The following VPS13B variants were observed in gnomAD, a reference collection of about 807,000 sequenced individuals.
VPS13B encodes vacuolar protein sorting 13 homolog B.
In VPS13B, 285 loss-of-function variants were observed where a neutral mutation model predicts 426.4. That is an observed-to-expected ratio of 0.67 (90% CI 0.61 to 0.74). The LOEUF (loss-of-function observed/expected upper bound fraction) is 0.74, where lower values mean the gene tolerates loss of function less well. VPS13B is among the 30% of genes least tolerant of loss of function. VPS13B has a pLI of 0.00. For missense variants in VPS13B, 4,537 were observed against 4,782.6 expected, an observed-to-expected ratio of 0.95 and a Z score of 1.51; for synonymous variants, 1,676 against 1,676.4, an observed-to-expected ratio of 1.00 and a Z score of 0.01.
intron 22 of VPS13B, 128 bp from the exon 23 acceptor site, chr8:99,442,273 A>T: frequency 1.3e-6 from 1 of 777,180 alleles, no homozygotes; most frequent in Non-Finnish European, 2.1e-6. Context: ...TCATTAGTGA[A>T]AATAAGTCAT....
rs1817701636 is a variant in VPS13B, at chr8:99,876,358, AACAGTCT to A, written c.*693_*699del. On this transcript the variant is annotated 3_prime_UTR_variant, in exon 62 of 62. Transcript: ENST00000357162. The stretch of plus-strand genomic sequence containing the variant: ...AAGTCTGCATTTTACTAAAATTTAC[AACAGTCT>A]GATGATTGATTGATTACTGTCCAGG... The A allele has an allele frequency of 7.1e-6, 1 of 141,660 alleles. No individual in the cohort carries two copies. Among genetic ancestry groups the A allele is most frequent in the Non-Finnish European group, 1.5e-5 (1 of 66,116 alleles). 8.8% of individuals were successfully genotyped at this position (141,660 alleles called of 1,614,324 possible).
chr8:99,413,971 C>G (rs1309874982), intron 21 of VPS13B, among the ~76,000 whole-genome samples: 1 of 152,132 alleles, frequency 6.6e-6, no homozygotes, highest in Non-Finnish European at 1.5e-5. Context: ...AGTTCAAGTC[C>G]TGAATATCCT....
chr8:99,297,961 A>AT (rs1287205224), intron 19 of VPS13B, among the ~76,000 whole-genome samples: 5 of 152,056 alleles, frequency 3.3e-5, no homozygotes, highest in African/African-American at 1.2e-4. Flanking sequence ...GATTTTTCTA[A>AT]TTTTTTACCA....
intron 33 of VPS13B, among the ~76,000 whole-genome samples, chr8:99,620,818 A>AG (rs940998309): frequency 3.3e-5 from 5 of 151,530 alleles, no homozygotes; most frequent in African/African-American, 1.2e-4. Flanking sequence ...CTAAAAAAAA[A>AG]AAATATACAA....
At chr8:99,111,075 A>G (rs780328605) in intron 5 of VPS13B, 23 bp from the exon 6 acceptor site, 3 of 1,592,800 alleles carry the variant, frequency 1.9e-6, no homozygotes, top group East Asian at 2.3e-5. Flanking sequence ...CTTTTTACTT[A>G]AAATGTTTTT....
intron 33 of VPS13B, among the ~76,000 whole-genome samples, chr8:99,639,938 C>A (rs1454658780): frequency 6.8e-6 from 1 of 147,572 alleles, no homozygotes; most frequent in East Asian, 2.0e-4. Context: ...GATCACACCA[C>A]TGCACTCCAA....
chr8:99,471,261 A>T (rs1397171305), intron 24 of VPS13B, among the ~76,000 whole-genome samples: 1 of 152,098 alleles, frequency 6.6e-6, no homozygotes, highest in African/African-American at 2.4e-5. Flanking sequence ...TTTTTAAAAA[A>T]CTACTTAAAA....
At chr8:99,037,262 A>T (rs1842786108) in intron 2 of VPS13B, among the ~76,000 whole-genome samples, 1 of 152,054 alleles carries the variant, frequency 6.6e-6, no homozygotes, top group African/African-American at 2.4e-5. Context: ...TTAATAGCTG[A>T]CCTTTAAAAA....
At position 99,038,435 on chromosome 8, in the gene VPS13B, C is replaced by A. The variant is rs1193369148; in HGVS notation, c.160C>A (p.Pro54Thr). The part of the protein sequence containing the change: ...LDVLEQELKL[P>T]FTFLSGHIHE... Reference sequence around the variant, plus strand: ...TTTGTGTTTTAAGGAACTGAAATTACCATTCACTTTTTTAAGTGGACATAT... The same window carrying A: ...TTTGTGTTTTAAGGAACTGAAATTAACATTCACTTTTTTAAGTGGACATAT... Residue 54 changes from proline to threonine, a missense_variant, in exon 3 of 62, where the codon CCA becomes ACA. By Grantham distance (38) the Pro-to-Thr change is conservative (BLOSUM62 -1). Transcript: ENST00000357162. 1 of 1,605,704 alleles carries A rather than the reference C, an allele frequency of 6.2e-7. No homozygotes were observed. Among genetic ancestry groups the A allele is most frequent in the Admixed American group, 1.7e-5 (1 of 59,736 alleles).
chr8:99,017,722 A>G (rs1368859220), intron 2 of VPS13B, among the ~76,000 whole-genome samples: 1 of 152,048 alleles, frequency 6.6e-6, no homozygotes, highest in African/African-American at 2.4e-5. Context: ...CGAACTCCTG[A>G]GCTCAGGTGA....
At chr8:99,544,691 A>AC (rs1823859509) in intron 30 of VPS13B, among the ~76,000 whole-genome samples, 1 of 141,700 alleles carries the variant, frequency 7.1e-6, no homozygotes, top group Non-Finnish European at 1.5e-5. Flanking sequence ...TATGTGCTGC[A>AC]AAACAACAAC....
chr8:99,385,974 T>C (rs1386147023), intron 20 of VPS13B, among the ~76,000 whole-genome samples: 1 of 152,168 alleles, frequency 6.6e-6, no homozygotes, highest in Non-Finnish European at 1.5e-5. Flanking sequence ...GTCCTAGGTA[T>C]TTGAGACTTC....
chr8:99,690,210 C>G (rs960680830), intron 35 of VPS13B, among the ~76,000 whole-genome samples: 24 of 152,084 alleles, frequency 1.6e-4, no homozygotes, highest in African/African-American at 5.8e-4. Flanking sequence ...AAAAATAATG[C>G]CTTTCAACAA....
chr8:99,354,876 T>A (rs1249321326), intron 19 of VPS13B, among the ~76,000 whole-genome samples: 1 of 151,920 alleles, frequency 6.6e-6, no homozygotes, highest in East Asian at 1.9e-4. Context: ...AGACAAAAAA[T>A]CCAGCTCTGA....
chr8:99,084,902 G>C (rs1249551707), intron 3 of VPS13B, among the ~76,000 whole-genome samples: 3 of 152,122 alleles, frequency 2.0e-5, no homozygotes, highest in South Asian at 2.1e-4. Flanking sequence ...AATAAGTGCG[G>C]CGTGGTGCTG....
chr8:99,060,092 A>C (rs1844099023), intron 3 of VPS13B, among the ~76,000 whole-genome samples: 1 of 152,080 alleles, frequency 6.6e-6, no homozygotes, highest in Non-Finnish European at 1.5e-5. Flanking sequence ...CATTATTGAA[A>C]AAGAAGTAAA....
chr8:99,105,030 A>C (rs547161167), intron 5 of VPS13B, among the ~76,000 whole-genome samples: 1 of 152,342 alleles, frequency 6.6e-6, no homozygotes, highest in South Asian at 2.1e-4. Flanking sequence ...AAGCAAAGTG[A>C]AATTGAGTCT....
intron 15 of VPS13B, among the ~76,000 whole-genome samples, chr8:99,162,883 C>G (rs944017119): frequency 3.3e-5 from 5 of 152,176 alleles, no homozygotes; most frequent in African/African-American, 1.2e-4. Flanking sequence ...CCACCCACAT[C>G]TTGCTGATTG....
chr8:99,557,449 C>T (rs1824648676), intron 31 of VPS13B, among the ~76,000 whole-genome samples: 1 of 152,092 alleles, frequency 6.6e-6, no homozygotes, highest in South Asian at 2.1e-4. Context: ...CCAGTTCCAT[C>T]TAAGTTGCTG....
Sources: allele counts gnomAD v4.1 joint callset (sites outside exome capture counted in the v4.1 genomes callset), GRCh38; gene constraint gnomAD v4.1.1; transcripts MANE v1.5; gene names NCBI Gene and HGNC (gene_info 2026-07-23, HGNC 2026-07-21).